Variants in PPP1R13B observed in about 807,000 individuals in gnomAD.
PPP1R13B encodes protein phosphatase 1 regulatory subunit 13B, also known as apoptosis-stimulating of p53 protein 1.
Under a neutral mutation model 119.8 loss-of-function variants are expected in PPP1R13B, and 44 were observed. The observed-to-expected ratio is 0.37, with a 90% CI of 0.29 to 0.47. PPP1R13B has a LOEUF of 0.47. PPP1R13B is among the 20% of genes least tolerant of loss of function. PPP1R13B has a pLI of 0.99. For synonymous variants in PPP1R13B, 542 were observed against 561.5 expected, an observed-to-expected ratio of 0.97 and a Z score of 0.49; for missense variants, 1,227 against 1,413.5, an observed-to-expected ratio of 0.87 and a Z score of 2.12.
In PPP1R13B at chr14:103,740,743, A is replaced by T; in HGVS notation, c.1823-150T>A. The T allele has an allele frequency of 1.5e-6, 1 of 674,582 alleles. No homozygotes were observed. The highest frequency in any genetic ancestry group is 3.2e-5 in the East Asian group (1 of 31,022). The allele number at this position is 674,582 out of a possible 1,614,324, so 41.8% of individuals were successfully genotyped here. On this transcript the variant is annotated intron_variant, in intron 11 of 16. Transcript: ENST00000202556. The surrounding 1 kb of genome is among the most constrained non-coding windows in gnomAD (Gnocchi z 4.6). Reference sequence around the variant, plus strand: ...ATTCTCATTTCAAATCTCTGAGGAAACCTCCCCCTCTTAGAGCCTCCACTG... The same window carrying T: ...ATTCTCATTTCAAATCTCTGAGGAATCCTCCCCCTCTTAGAGCCTCCACTG...
At chr14:103,755,883 ATT>A (rs1157900943) in intron 5 of PPP1R13B, among the ~76,000 whole-genome samples, 1 of 152,026 alleles carries the variant, frequency 6.6e-6, no homozygotes, top group African/African-American at 2.4e-5. Context: ...TCCAATAAAT[ATT>A]GAGACAACTT....
chr14:103,756,016 T>A (rs2084668853), intron 5 of PPP1R13B, among the ~76,000 whole-genome samples: 2 of 152,100 alleles, frequency 1.3e-5, no homozygotes, highest in South Asian at 4.1e-4. Context: ...AAAGAAAATC[T>A]CTCTACAGAA....
At chr14:103,788,182 A>G (rs1322111111) in intron 2 of PPP1R13B, among the ~76,000 whole-genome samples, 1 of 152,124 alleles carries the variant, frequency 6.6e-6, no homozygotes, top group African/African-American at 2.4e-5. Context: ...TGGTTAACAG[A>G]TTTCAGCCAA....
intron 3 of PPP1R13B, among the ~76,000 whole-genome samples, chr14:103,780,326 A>C (rs1307884029): frequency 6.6e-6 from 1 of 151,476 alleles, no homozygotes; most frequent in African/African-American, 2.4e-5. Flanking sequence ...TCTTTACCAA[A>C]AATACAAAAA....
intron 4 of PPP1R13B, chr14:103,762,783 G>A (rs957873251): frequency 9.4e-6 from 7 of 741,060 alleles, no homozygotes; most frequent in Admixed American, 4.1e-5. Context: ...AGGTGGTGGC[G>A]GCGGCCGCCC....
At chr14:103,739,737 C>A (rs1413620911) in intron 12 of PPP1R13B, 87 bp downstream of exon 12, 5 of 1,432,412 alleles carry the variant, frequency 3.5e-6, no homozygotes, top group Non-Finnish European at 4.6e-6. Flanking sequence ...CTGCTCCCAG[C>A]ACAGCCTGAC....
At chr14:103,823,578 T>C (rs1159180049) in intron 1 of PPP1R13B, among the ~76,000 whole-genome samples, 1 of 152,108 alleles carries the variant, frequency 6.6e-6, no homozygotes, top group African/African-American at 2.4e-5. Flanking sequence ...ATCTTATACC[T>C]GGGGAATCAA....
At chr14:103,771,573 T>G (rs1260994332) in intron 4 of PPP1R13B, among the ~76,000 whole-genome samples, 2 of 141,900 alleles carry the variant, frequency 1.4e-5, no homozygotes, top group African/African-American at 5.3e-5. Context: ...CTCCGCCCCC[T>G]GGGTTCAAGC....
At chr14:103,752,465 G>A (rs567501761) in intron 7 of PPP1R13B, among the ~76,000 whole-genome samples, 7 of 151,984 alleles carry the variant, frequency 4.6e-5, no homozygotes, top group Admixed American at 2.6e-4. Flanking sequence ...CTGACAAGTC[G>A]GTGAAGGTAC....
chr14:103,782,414 T>C (rs1461951117), intron 3 of PPP1R13B, among the ~76,000 whole-genome samples: 1 of 152,254 alleles, frequency 6.6e-6, no homozygotes, highest in Non-Finnish European at 1.5e-5. Flanking sequence ...AGGTTGTTCC[T>C]ACCAGCAATG....
intron 4 of PPP1R13B, among the ~76,000 whole-genome samples, chr14:103,776,781 A>G (rs988494078): frequency 2.6e-4 from 39 of 151,048 alleles, no homozygotes; most frequent in African/African-American, 9.5e-4. Context: ...CTGAGGCAGG[A>G]GAATGGCTTG....
At chr14:103,784,583 CAAAAAAAAAAAAAAAAAAAA>C (rs546875688) in intron 3 of PPP1R13B, among the ~76,000 whole-genome samples, 192 bp downstream of exon 3, 1 of 60,584 alleles carries the variant, frequency 1.7e-5, no homozygotes, top group South Asian at 7.3e-4. Flanking sequence ...ACTCTGTCTC[CAAAAAAAAAAAAAAAAAAAA>C]AAAAAAAAAA....
intron 4 of PPP1R13B, among the ~76,000 whole-genome samples, chr14:103,773,640 CAGA>C (rs2085119849): frequency 1.3e-5 from 2 of 152,138 alleles, no homozygotes; most frequent in African/African-American, 4.8e-5. Flanking sequence ...AACCTCAAGC[CAGA>C]AGGAGTAAAA....
intron 1 of PPP1R13B, among the ~76,000 whole-genome samples, chr14:103,801,220 C>A (rs1455641305): frequency 6.6e-6 from 1 of 152,244 alleles, no homozygotes; most frequent in South Asian, 2.1e-4. Context: ...TCCCCACTGC[C>A]CAACACCAGC....
chr14:103,804,245 C>T (rs919508022), intron 1 of PPP1R13B, among the ~76,000 whole-genome samples: 1 of 152,126 alleles, frequency 6.6e-6, no homozygotes, highest in Non-Finnish European at 1.5e-5. Context: ...TAGCTTAAGA[C>T]GTCATCTTAC....
intron 16 of PPP1R13B, 37 bp from the exon 17 acceptor site, chr14:103,735,232 A>C: frequency 6.2e-7 from 1 of 1,612,146 alleles, no homozygotes; most frequent in East Asian, 2.2e-5. Flanking sequence ...ACAGGAAGCC[A>C]CACACAGGGA....
chr14:103,765,115 G>A (rs1156860415), intron 4 of PPP1R13B, among the ~76,000 whole-genome samples: 1 of 152,216 alleles, frequency 6.6e-6, no homozygotes, highest in Non-Finnish European at 1.5e-5. Context: ...ACTGTGCCCG[G>A]CCAACACAGC....
intron 4 of PPP1R13B, among the ~76,000 whole-genome samples, chr14:103,758,491 G>A (rs2084729319): frequency 1.3e-5 from 2 of 152,346 alleles, no homozygotes; most frequent in East Asian, 1.9e-4. Flanking sequence ...CTATGTTCTC[G>A]ACTGTTCCTC....
intron 8 of PPP1R13B, among the ~76,000 whole-genome samples, chr14:103,748,031 G>A (rs2084432743): frequency 1.3e-5 from 2 of 150,592 alleles, no homozygotes; most frequent in South Asian, 2.1e-4. Context: ...ACTTGCCAAC[G>A]TCCACAATCA....
Sources: allele counts gnomAD v4.1 joint callset (sites outside exome capture counted in the v4.1 genomes callset), GRCh38; gene constraint gnomAD v4.1.1; non-coding constraint Gnocchi (gnomAD v3.1); transcripts MANE v1.5; gene names NCBI Gene and HGNC (gene_info 2026-07-23, HGNC 2026-07-21).